The following STAG2 variants were observed in gnomAD, a reference collection of about 807,000 sequenced individuals.
The protein encoded by STAG2 is cohesin subunit SA-2.
STAG2 carries 14 observed loss-of-function variants against 108.1 expected under a neutral mutation model. The ratio of observed to expected loss-of-function variants is 0.13; its 90% CI spans 0.09 to 0.20. STAG2 has a LOEUF of 0.20. STAG2 is among the 10% of genes least tolerant of loss of function. The probability of loss-of-function intolerance (pLI) is 1.00; values close to 1 mark genes in which losing one functional copy is unlikely to be tolerated. For synonymous variants in STAG2, 307 were observed against 302.7 expected (o/e 1.01, Z -0.15); for missense variants, 440 against 940.9 (o/e 0.47, Z 6.96).
rs370111529 is a variant in STAG2 at position 123,999,945 on chromosome X, G to T, written c.-162-21422G>T. Among the ~76,000 whole-genome samples the T allele has an allele frequency of 4.5e-4, 48 of 106,153 alleles. No individual in the cohort carries two copies. The East Asian group carries it at 0.011, about 24-fold the overall frequency. The allele number at this position is 106,153 out of a possible 115,157, so 92.2% of individuals were successfully genotyped here. A position where few individuals can be genotyped will look rare whatever the true frequency, so the allele number is the denominator to read the frequency against. The stretch of plus-strand genomic sequence containing the variant: ...TTTTTTTTTTTTTATTTTTTGTAGC[G>T]ACAGGGTCTTGCTATGTTGCCCAGG... On this transcript the variant is annotated intron_variant, in intron 1 of 34. Coordinates refer to ENST00000371145, the MANE Select transcript of STAG2 (RefSeq NM_001042750.2).
At position 124,051,374 on chromosome X, in the gene STAG2, A is replaced by G; in HGVS notation, c.1176A>G (p.Lys392=). Residue 392 remains lysine, a synonymous_variant, in exon 13 of 35, where the codon AAA becomes AAG. Transcript: ENST00000371145. The stretch of plus-strand genomic sequence containing the variant: ...ATGATGTTGCAGTACAAGCAATAAA[A>G]TTACTCACTCTTGTTTTACAGTAAG... ...KEYDVAVQAI[K]LLTLVLQSSE... is the part of the protein sequence containing the mutation. 2 of 1,196,188 alleles carry G rather than the reference A, an allele frequency of 1.7e-6. No homozygotes were observed. Among genetic ancestry groups the G allele is most frequent in the East Asian group, 6.0e-5 (2 of 33,501 alleles).
chrX:123,999,588 G>T (rs931266180), intron 1 of STAG2, among the ~76,000 whole-genome samples: 3 of 110,910 alleles, frequency 2.7e-5, no homozygotes, highest in Non-Finnish European at 5.7e-5. Flanking sequence ...GGGACTACGG[G>T]TGTGTGTCCC....
chrX:123,993,308 T>A (rs1186733563), intron 1 of STAG2, among the ~76,000 whole-genome samples: 1 of 111,556 alleles, frequency 9.0e-6, no homozygotes, highest in South Asian at 3.7e-4. Context: ...TTTAAAAAAA[T>A]TCCATTTAAA....
intron 33 of STAG2, 93 bp from the exon 34 acceptor site, chrX:124,095,279 A>G (rs2059350858): frequency 2.8e-6 from 2 of 716,962 alleles, no homozygotes; most frequent in Admixed American, 2.4e-5. Flanking sequence ...TTGGAATCAC[A>G]TAGACCATGT....
rs1470956880 is a variant in STAG2, at chrX:124,063,938, G to A, written c.1912G>A (p.Ala638Thr). Residue 638 changes from alanine (A) to threonine (T), a missense_variant, in exon 20 of 35, where the codon GCA becomes ACA. By Grantham distance (58) the Ala-to-Thr change is moderately conservative. This residue lies in a region of STAG2 where 337 missense variants were observed against 649.3 expected (regional missense o/e 0.52). Transcript: ENST00000371145. ...VLEACSKTYH[A>T]LCNEEFTIFN... ...GGAAGCATGTTCTAAAACTTACCATGCACTCTGTAATGAAGAGTTCACAAT... is the reference window on the plus strand; with the variant it reads ...GGAAGCATGTTCTAAAACTTACCATACACTCTGTAATGAAGAGTTCACAAT... The A allele has an allele frequency of 2.5e-6, 3 of 1,207,604 alleles. No homozygotes were observed. Among genetic ancestry groups the A allele is most frequent in the Non-Finnish European group, 3.4e-6 (3 of 891,717 alleles).
intron 1 of STAG2, among the ~76,000 whole-genome samples, chrX:123,979,128 C>T (rs774833619): frequency 4.0e-4 from 45 of 111,581 alleles, no homozygotes; most frequent in Admixed American, 7.7e-4. Context: ...TTTTACTTTG[C>T]GGCCTTTGTA....
intron 25 of STAG2, among the ~76,000 whole-genome samples, chrX:124,074,483 T>C (rs956577746): frequency 8.9e-6 from 1 of 112,417 alleles, no homozygotes; most frequent in East Asian, 2.7e-4. Flanking sequence ...GTAGTGTGTG[T>C]GCATCTTAAA....
intron 1 of STAG2, among the ~76,000 whole-genome samples, chrX:124,020,383 C>A (rs935998709): frequency 4.5e-5 from 5 of 111,939 alleles, no homozygotes; most frequent in Non-Finnish European, 7.5e-5. Flanking sequence ...TTCATCTTGC[C>A]GTCTAGATGA....
At position 124,047,428 on chromosome X, in the gene STAG2, T is replaced by C; in HGVS notation, c.742T>C (p.Tyr248His). The C allele has an allele frequency of 8.3e-7, 1 of 1,207,529 alleles. No individual in the cohort carries two copies. Among genetic ancestry groups the C allele is most frequent in the Non-Finnish European group, 1.1e-6 (1 of 892,719 alleles). Residue 248 changes from tyrosine (Y) to histidine (H), a missense_variant, in exon 9 of 35, where the codon TAT (tyrosine) becomes CAT (histidine). Physicochemically the swap from Tyr to His is moderately conservative, Grantham distance 83 (BLOSUM62 2). Transcript: ENST00000371145. ...SINMDNTQRQ[Y>H]EAERNKMIGK... ...TAATATGGATAATACACAAAGACAATATGAAGCAGAACGGAATAAAATGAT... is the reference window on the plus strand; with the variant it reads ...TAATATGGATAATACACAAAGACAACATGAAGCAGAACGGAATAAAATGAT...
chrX:124,056,672 G>T (rs1184544108), intron 14 of STAG2, among the ~76,000 whole-genome samples: 1 of 95,787 alleles, frequency 1.0e-5, no homozygotes, highest in Non-Finnish European at 2.0e-5. Flanking sequence ...GGCGGAGCTT[G>T]CACTGAGCCG....
intron 1 of STAG2, among the ~76,000 whole-genome samples, chrX:124,011,971 C>G (rs56098597): frequency 0.011 from 1,206 of 111,459 alleles, 14 homozygotes; most frequent in African/African-American, 0.038. Flanking sequence ...TGATTTTTTT[C>G]TAGTTTTAAC....
chrX:124,099,648 T>G (rs1370589583), intron 34 of STAG2, among the ~76,000 whole-genome samples: 3 of 111,887 alleles, frequency 2.7e-5, no homozygotes, highest in African/African-American at 9.7e-5. Flanking sequence ...AAACAATACA[T>G]GAGTTCTATG....
intron 13 of STAG2, among the ~76,000 whole-genome samples, chrX:124,053,634 C>CA (rs758886584): frequency 9.0e-6 from 1 of 110,638 alleles, no homozygotes; most frequent in South Asian, 3.8e-4. Flanking sequence ...CATGAATAGA[C>CA]AAAAAAGATC....
chrX:124,065,781 TTA>T, intron 20 of STAG2, 93 bp from the exon 21 acceptor site: 1 of 593,755 alleles, frequency 1.7e-6, no homozygotes, highest in Non-Finnish European at 2.4e-6. Flanking sequence ...GTGGGTTTTG[TTA>T]TGTTATTTTT....
chrX:124,059,511 G>T (rs2058318467), intron 15 of STAG2, among the ~76,000 whole-genome samples: 1 of 112,054 alleles, frequency 8.9e-6, no homozygotes, highest in African/African-American at 3.2e-5. Flanking sequence ...TGCATTACTT[G>T]AGATGATTGT....
In STAG2 at chrX:124,000,120, G is replaced by A. The variant is rs1364484409; in HGVS notation, c.-162-21247G>A. Among the ~76,000 whole-genome samples, 5 of 109,760 alleles carry A rather than the reference G, an allele frequency of 4.6e-5. No homozygotes were observed. The Admixed American group carries it at 4.9e-4, about 11-fold the overall frequency. Reference sequence around the variant, plus strand: ...GACGTTTCAGTCAACGATGGACCACGTACAGCATGATCGTCCTATAATATT... The same window carrying A: ...GACGTTTCAGTCAACGATGGACCACATACAGCATGATCGTCCTATAATATT... On this transcript the variant is annotated intron_variant, in intron 1 of 34. Transcript: ENST00000371145.
At chrX:124,025,710 A>G (rs1418875740) in intron 3 of STAG2, 130 bp from the exon 4 acceptor site, 2 of 393,400 alleles carry the variant, frequency 5.1e-6, no homozygotes, top group East Asian at 4.1e-5. Context: ...AAACATCTTA[A>G]TTACTTATAA....
chrX:124,063,304 T>C (rs1191787199), intron 19 of STAG2, 99 bp downstream of exon 19: 3 of 680,546 alleles, frequency 4.4e-6, no homozygotes, highest in Non-Finnish European at 4.3e-6. Flanking sequence ...TTTTGGAACG[T>C]ATTTTAAGAA....
Position 124,057,877 on chromosome X carries a change from G to A in STAG2, c.1316G>A (p.Arg439His), listed in dbSNP as rs777167759. The change falls in exon 15 of 35, where the codon CGT becomes CAT. Residue 439 changes from arginine (R) to histidine (H), a missense_variant. Arg to His is a conservative substitution (Grantham distance 29). Coordinates refer to ENST00000371145, the MANE Select transcript of STAG2 (RefSeq NM_001042750.2). ...TACTTTTTTCACAGGCTCTTCAGTC[G>A]TAGAGATCCAGAGGAGGATGGAATG... ...GEFLYKKLFSRRDPEEDGMMK... is the reference protein window; with the variant it reads ...GEFLYKKLFSHRDPEEDGMMK... The A allele has an allele frequency of 9.5e-6, 11 of 1,161,190 alleles. No individual in the cohort carries two copies. The highest frequency in any genetic ancestry group is 5.5e-5 in the African/African-American group (3 of 54,517).
Sources: gnomAD v4.1 joint callset for allele counts (sites outside exome capture counted in the v4.1 genomes callset) on GRCh38, gnomAD v4.1.1 for gene constraint, gnomAD v4.1.1 regional missense constraint, MANE v1.5 for transcripts, NCBI Gene and HGNC (gene_info 2026-07-23, HGNC 2026-07-21) for gene names.